The following FGGY variants were observed in gnomAD, a reference collection of about 807,000 sequenced individuals.
FGGY encodes FGGY carbohydrate kinase domain containing.
Under a neutral mutation model 71.3 loss-of-function variants are expected in FGGY, and 72 were observed. The observed-to-expected ratio is 1.01, with a 90% CI of 0.84 to 1.23. The LOEUF (loss-of-function observed/expected upper bound fraction) is 1.23, where lower values mean the gene tolerates loss of function less well. FGGY is among the 50% of genes most tolerant of loss of function. FGGY has a pLI of 0.00. For synonymous variants in FGGY, 251 were observed against 250.3 expected (o/e 1.00, Z -0.02); for missense variants, 668 against 682.3 (o/e 0.98, Z 0.23).
intron 8 of FGGY, among the ~76,000 whole-genome samples, chr1:59,596,054 A>G (rs2096519868): frequency 6.6e-6 from 1 of 152,202 alleles, no homozygotes. Context: ...TTTATAGAGT[A>G]CAGGCAGAGG....
chr1:59,599,453 G>A (rs1052177685), intron 8 of FGGY, among the ~76,000 whole-genome samples: 1 of 151,986 alleles, frequency 6.6e-6, no homozygotes, highest in Non-Finnish European at 1.5e-5. Flanking sequence ...CCAGCACTTT[G>A]GGAGGCCGAG....
At chr1:59,464,519 A>G (rs1338601930) in intron 6 of FGGY, among the ~76,000 whole-genome samples, 1 of 152,212 alleles carries the variant, frequency 6.6e-6, no homozygotes, top group Non-Finnish European at 1.5e-5. Flanking sequence ...TAAAATTAGC[A>G]GAACGGAAGG....
chr1:59,700,533 C>T (rs575837364), intron 14 of FGGY, among the ~76,000 whole-genome samples: 1 of 152,252 alleles, frequency 6.6e-6, no homozygotes, highest in South Asian at 2.1e-4. Flanking sequence ...TTAGTTTTTC[C>T]TTGAACTGCT....
chr1:59,555,192 A>T (rs2095666004), intron 8 of FGGY, among the ~76,000 whole-genome samples: 1 of 152,236 alleles, frequency 6.6e-6, no homozygotes, highest in African/African-American at 2.4e-5. Flanking sequence ...ATGAAGTTAT[A>T]ACAGGTATTA....
intron 6 of FGGY, among the ~76,000 whole-genome samples, chr1:59,493,392 T>G (rs2093938655): frequency 1.4e-5 from 2 of 143,140 alleles, no homozygotes; most frequent in Admixed American, 7.2e-5. Flanking sequence ...GCAAACCAAG[T>G]GTTCATTAGT....
chr1:59,438,172 G>A (rs2068923527), intron 5 of FGGY, among the ~76,000 whole-genome samples: 1 of 152,150 alleles, frequency 6.6e-6, no homozygotes, highest in Non-Finnish European at 1.5e-5. Flanking sequence ...TACCACCATT[G>A]TAGATGTGAG....
At chr1:59,562,703 TATAGTGACAAAA>T (rs1344594807) in intron 8 of FGGY, among the ~76,000 whole-genome samples, 1 of 152,130 alleles carries the variant, frequency 6.6e-6, no homozygotes, top group Non-Finnish European at 1.5e-5. Context: ...CAAACTAATA[TATAGTGACAAAA>T]AGCAGATCAG....
At chr1:59,374,408 G>A (rs1218579858) in intron 4 of FGGY, among the ~76,000 whole-genome samples, 3 of 152,192 alleles carry the variant, frequency 2.0e-5, no homozygotes, top group African/African-American at 7.2e-5. Context: ...GAAACAACAG[G>A]TGCTGGAGAG....
chr1:59,721,337 GTTT>G (rs71046339), intron 14 of FGGY, among the ~76,000 whole-genome samples: 13 of 105,366 alleles, frequency 1.2e-4, no homozygotes, highest in African/African-American at 3.3e-4. Flanking sequence ...TCTTTCCTTT[GTTT>G]TTTTTTTTTT....
At position 59,613,077 on chromosome 1, in the gene FGGY, TAGACAGATCAACG is replaced by T. The variant is rs1382965022; in HGVS notation, c.1011+5175_1011+5187del. ...ACTTAAACCACCCCACTGACAACAT[TAGACAGATCAACG>T]AGACAGAACGTTAACAAGGATATCC... On this transcript the variant is annotated intron_variant, in intron 9 of 15. Coordinates refer to ENST00000303721, the MANE Select transcript of FGGY (RefSeq NM_018291.5). Among the ~76,000 whole-genome samples the T allele has an allele frequency of 5.3e-5, 8 of 152,194 alleles. No homozygotes were observed. The East Asian group carries it at 1.5e-3, about 29-fold the overall frequency.
intron 8 of FGGY, among the ~76,000 whole-genome samples, chr1:59,607,360 G>A (rs2096633579): frequency 1.3e-5 from 2 of 152,186 alleles, no homozygotes; most frequent in Admixed American, 1.3e-4. Flanking sequence ...ACCTAGGCTT[G>A]GAAAACTGAC....
intron 6 of FGGY, among the ~76,000 whole-genome samples, chr1:59,508,900 A>G (rs1261452441): frequency 2.0e-5 from 3 of 152,162 alleles, no homozygotes; most frequent in Non-Finnish European, 4.4e-5. Flanking sequence ...GTTGGCTGTG[A>G]AAGAAGGAAG....
At chr1:59,722,129 G>A (rs1361314984) in intron 14 of FGGY, among the ~76,000 whole-genome samples, 1 of 151,482 alleles carries the variant, frequency 6.6e-6, no homozygotes, top group Non-Finnish European at 1.5e-5. Flanking sequence ...GTACTGGTCA[G>A]ATACTTTGTA....
chr1:59,715,767 T>C (rs1307892204), intron 14 of FGGY, among the ~76,000 whole-genome samples: 1 of 152,194 alleles, frequency 6.6e-6, no homozygotes, highest in Non-Finnish European at 1.5e-5. Context: ...AAGAGCACAG[T>C]CTATGTTAAC....
intron 5 of FGGY, among the ~76,000 whole-genome samples, chr1:59,415,353 A>G (rs2064214812): frequency 6.6e-6 from 1 of 152,204 alleles, no homozygotes. Flanking sequence ...TTTCTTCATT[A>G]TATTTTTCTG....
At chr1:59,646,507 T>A (rs1225558146) in intron 11 of FGGY, among the ~76,000 whole-genome samples, 2 of 149,874 alleles carry the variant, frequency 1.3e-5, no homozygotes, top group East Asian at 3.9e-4. Context: ...TTTTTATTTG[T>A]ATATTTATAT....
chr1:59,593,411 CA>C (rs2096481691), intron 8 of FGGY, among the ~76,000 whole-genome samples: 1 of 152,200 alleles, frequency 6.6e-6, no homozygotes, highest in African/African-American at 2.4e-5. Context: ...AGAGGTCTGA[CA>C]TTTTATTTTC....
chr1:59,328,536 CTG>C (rs1448892973), intron 2 of FGGY, among the ~76,000 whole-genome samples: 1 of 152,212 alleles, frequency 6.6e-6, no homozygotes, highest in Non-Finnish European at 1.5e-5. Flanking sequence ...AGCAATAAGA[CTG>C]TTTCACTTTC....
At chr1:59,645,288 A>G (rs1239387962) in intron 11 of FGGY, among the ~76,000 whole-genome samples, 1 of 152,216 alleles carries the variant, frequency 6.6e-6, no homozygotes, top group Non-Finnish European at 1.5e-5. Flanking sequence ...ATGGACAGAC[A>G]GCACAACAAT....
Sources: allele counts gnomAD v4.1 joint callset (sites outside exome capture counted in the v4.1 genomes callset), GRCh38; gene constraint gnomAD v4.1.1; transcripts MANE v1.5; gene names NCBI Gene and HGNC (gene_info 2026-07-23, HGNC 2026-07-21).